PACS1: variants seen among roughly 807,000 people sequenced by gnomAD.
PACS1 encodes the protein phosphofurin acidic cluster sorting protein 1.
PACS1 carries 24 observed loss-of-function variants against 115.0 expected under a neutral mutation model. The observed-to-expected ratio is 0.21, with a 90% confidence interval of 0.15 to 0.29. The LOEUF is 0.29. PACS1 is among the 10% of genes least tolerant of loss of function. PACS1 has a pLI of 1.00. For synonymous variants in PACS1, 453 were observed against 504.5 expected (o/e 0.90, Z 1.37); for missense variants, 838 against 1,251.2 (o/e 0.67, Z 4.98).
At chr11:66,120,546 A>G (rs1174386683) in intron 1 of PACS1, among the ~76,000 whole-genome samples, 1 of 152,212 alleles carries the variant, frequency 6.6e-6, no homozygotes, top group Non-Finnish European at 1.5e-5. Flanking sequence ...CAATTATATG[A>G]GATCATATCA....
intron 1 of PACS1, among the ~76,000 whole-genome samples, chr11:66,166,690 T>G (rs1859611342): frequency 1.3e-5 from 2 of 150,620 alleles, no homozygotes; most frequent in African/African-American, 5.0e-5. Context: ...GCTGGATCGC[T>G]TTTGATTGTG....
In PACS1 at chr11:66,193,387, A is replaced by G. The variant is rs1444617215; in HGVS notation, c.357-99A>G. ...CTGGGACTGAGGACAGCGTTCTCACATTCTTACTTCAGGTAAGGCAGATTG... is the reference window on the plus strand; with the variant it reads ...CTGGGACTGAGGACAGCGTTCTCACGTTCTTACTTCAGGTAAGGCAGATTG... On this transcript the variant is annotated intron_variant, in intron 1 of 23. Coordinates refer to ENST00000320580, the MANE Select transcript of PACS1 (RefSeq NM_018026.4). 9.3e-6 allele frequency: 7 copies of G among 756,274 alleles called. No homozygotes were observed. In the East Asian group the frequency reaches 1.3e-4, roughly 14 times the overall value. The allele number at this position is 756,274 out of a possible 1,614,324, so 46.8% of individuals were successfully genotyped here. A position where few individuals can be genotyped will look rare whatever the true frequency, so the allele number is the denominator to read the frequency against.
chr11:66,209,389 G>T (rs141874193), intron 2 of PACS1, among the ~76,000 whole-genome samples: 27 of 152,140 alleles, frequency 1.8e-4, no homozygotes, highest in Non-Finnish European at 3.7e-4. Flanking sequence ...TAAAGAGGAA[G>T]TTCCTGGGAA....
rs539093360 is a variant in PACS1 at position 66,231,063 on chromosome 11, C to A, written c.1626+123C>A. The A allele has an allele frequency of 3.2e-3, 3,918 of 1,233,420 alleles. 11 individuals are homozygous for A. Among genetic ancestry groups the A allele is most frequent in the Non-Finnish European group, 3.7e-3 (3,151 of 859,690 alleles). The allele number at this position is 1,233,420 out of a possible 1,614,324, so 76.4% of individuals were successfully genotyped here. On this transcript the variant is annotated intron_variant, in intron 13 of 23. Transcript: ENST00000320580. ...GAGGAATACTTGGAAATGCTCTGAA[C>A]AAAAACTCTTGAAGAAAGACTAAAT...
At chr11:66,139,134 C>G (rs1312900794) in intron 1 of PACS1, among the ~76,000 whole-genome samples, 1 of 152,056 alleles carries the variant, frequency 6.6e-6, no homozygotes, top group Non-Finnish European at 1.5e-5. Context: ...CTACTGTTTA[C>G]CTTTAGTTTT....
At chr11:66,183,947 G>T (rs924335245) in intron 1 of PACS1, among the ~76,000 whole-genome samples, 4 of 152,154 alleles carry the variant, frequency 2.6e-5, no homozygotes, top group African/African-American at 9.7e-5. Flanking sequence ...ATACACCAGT[G>T]GGTGTGTCTT....
At position 66,233,767 on chromosome 11, in the gene PACS1, G is replaced by A. The variant is rs369255119; in HGVS notation, c.1839-18G>A. 28 of 1,610,124 alleles carry A rather than the reference G, an allele frequency of 1.7e-5. 1 individual carries two copies. In the South Asian group the frequency reaches 2.5e-4, roughly 15 times the overall value. On this transcript the variant is annotated intron_variant, in intron 15 of 23. Transcript: ENST00000320580. This position sits in a 1 kb window ranked among gnomAD's most constrained non-coding sequence, Gnocchi z 4.5. ...TGGCACCCCTGAGCACTGCTATGAC[G>A]CTCCCCTTCCTCCCCAGCTGCAACT...
At chr11:66,197,295 A>G (rs977105185) in intron 2 of PACS1, among the ~76,000 whole-genome samples, 1 of 152,208 alleles carries the variant, frequency 6.6e-6, no homozygotes, top group Admixed American at 6.5e-5. Context: ...TATCATTGGT[A>G]TGATACTATT....
chr11:66,238,075 T>C, intron 19 of PACS1: 1 of 985,392 alleles, frequency 1.0e-6, no homozygotes, highest in Non-Finnish European at 1.2e-6. Context: ...GATGCTCACC[T>C]AGTCTGTGGC....
chr11:66,239,811 A>G (rs890830725), intron 21 of PACS1, among the ~76,000 whole-genome samples: 64 of 152,240 alleles, frequency 4.2e-4, no homozygotes, highest in Non-Finnish European at 1.5e-4. Context: ...CTGAACTTCA[A>G]TTTCATCTAA....
intron 1 of PACS1, among the ~76,000 whole-genome samples, chr11:66,082,376 G>A (rs974572483): frequency 3.9e-5 from 6 of 151,914 alleles, no homozygotes; most frequent in East Asian, 1.9e-4. Flanking sequence ...CACCATACCC[G>A]GCTAATTTTT....
At chr11:66,136,751 C>T (rs938395354) in intron 1 of PACS1, among the ~76,000 whole-genome samples, 1 of 151,984 alleles carries the variant, frequency 6.6e-6, no homozygotes, top group African/African-American at 2.4e-5. Context: ...ATGGACTGCC[C>T]GAATTATTAA....
Position 66,241,202 on chromosome 11 carries a change from T to C in PACS1, c.2430-225T>C, listed in dbSNP as rs78870239. The stretch of plus-strand genomic sequence containing the variant: ...CCTTGTCATCCTGTGAAGATTTTAT[T>C]TGGTTTCCTTTTCGTGACTTGGGCC... On this transcript the variant is annotated intron_variant, in intron 21 of 23. Coordinates refer to ENST00000320580, the MANE Select transcript of PACS1 (RefSeq NM_018026.4). 5.0e-4 allele frequency: 260 copies of C among 520,226 alleles called. 1 individual carries two copies. Among genetic ancestry groups the C allele is most frequent in the Non-Finnish European group, 8.0e-4 (231 of 289,222 alleles). 32.2% of individuals were successfully genotyped at this position (520,226 alleles called of 1,614,324 possible). A position where few individuals can be genotyped will look rare whatever the true frequency, so the allele number is the denominator to read the frequency against.
intron 1 of PACS1, among the ~76,000 whole-genome samples, chr11:66,128,809 G>A (rs928858788): frequency 7.3e-5 from 11 of 151,672 alleles, no homozygotes; most frequent in East Asian, 3.9e-4. Flanking sequence ...ACTTGAACCC[G>A]TGAGGCGGAG....
In PACS1 at chr11:66,235,302, G is replaced by A; in HGVS notation, c.2106G>A (p.Glu702=). 1 of 1,613,172 alleles carries A rather than the reference G, an allele frequency of 6.2e-7. No homozygotes were observed. The highest frequency in any genetic ancestry group is 8.5e-7 in the Non-Finnish European group (1 of 1,179,188). The change falls in exon 18 of 24, where the codon GAG becomes GAA. Residue 702 remains glutamate (E), a splice_region_variant and synonymous_variant. Coordinates refer to ENST00000320580, the MANE Select transcript of PACS1 (RefSeq NM_018026.4). The surrounding 1 kb of genome is among the most constrained non-coding windows in gnomAD (Gnocchi z 5.6). Reference sequence around the variant, plus strand: ...AGTGATCTCTTGGCTTTTCTGCAGAGCAACTGGACGTGGCAGGGCGGGTGA... The same window carrying A: ...AGTGATCTCTTGGCTTTTCTGCAGAACAACTGGACGTGGCAGGGCGGGTGA... ...LFSRSEPPVS[E]QLDVAGRVMQ...
rs1011326766 is a variant in PACS1 at position 66,086,897 on chromosome 11, G to A, written c.356+16055G>A. 9.2e-5 allele frequency among the ~76,000 whole-genome samples: 14 copies of A among 152,148 alleles called. No individual in the cohort carries two copies. The East Asian group carries it at 1.4e-3, about 15-fold the overall frequency. The stretch of plus-strand genomic sequence containing the variant: ...CTCCCAAAGTGCTGGGATTACAGGC[G>A]TGGGGCCGGCCCCAAACACCTTTTG... On this transcript the variant is annotated intron_variant, in intron 1 of 23. Coordinates refer to ENST00000320580, the MANE Select transcript of PACS1 (RefSeq NM_018026.4).
chr11:66,184,312 CAAAAAAAAAA>C (rs11309195), intron 1 of PACS1, among the ~76,000 whole-genome samples: 1 of 56,018 alleles, frequency 1.8e-5, no homozygotes, highest in Non-Finnish European at 3.1e-5. Flanking sequence ...GACCCTGTCT[CAAAAAAAAAA>C]AAAAAAAAAA....
At chr11:66,184,536 A>G (rs1260659298) in intron 1 of PACS1, among the ~76,000 whole-genome samples, 2 of 152,108 alleles carry the variant, frequency 1.3e-5, no homozygotes, top group Admixed American at 6.6e-5. Flanking sequence ...TTGTCACTAT[A>G]TTTTGTTCTT....
chr11:66,160,969 C>T (rs374835376), intron 1 of PACS1, among the ~76,000 whole-genome samples: 4 of 152,066 alleles, frequency 2.6e-5, no homozygotes, highest in Admixed American at 6.6e-5. Flanking sequence ...ATTCAGGTCC[C>T]GCTGTTTACT....
Sources: allele counts gnomAD v4.1 joint callset (sites outside exome capture counted in the v4.1 genomes callset), GRCh38; gene constraint gnomAD v4.1.1; non-coding constraint Gnocchi (gnomAD v3.1); transcripts MANE v1.5; gene names NCBI Gene and HGNC (gene_info 2026-07-23, HGNC 2026-07-21).